Variants in ADAMTSL5 observed in about 807,000 individuals in gnomAD.
ADAMTSL5 encodes the protein ADAMTS-like protein 5.
A neutral mutation model predicts 51.7 loss-of-function variants in ADAMTSL5; 53 were observed. That is an observed-to-expected ratio of 1.03 (90% confidence interval 0.82 to 1.29). The LOEUF is 1.29. Ranked by LOEUF, ADAMTSL5 falls within the 50% of genes most tolerant of loss-of-function variation. The probability of loss-of-function intolerance (pLI) is 0.00; values close to 1 mark genes in which losing one functional copy is unlikely to be tolerated. For synonymous variants in ADAMTSL5, 285 were observed against 278.7 expected, an observed-to-expected ratio of 1.02 and a Z score of -0.23; for missense variants, 770 against 676.2, an observed-to-expected ratio of 1.14 and a Z score of -1.54.
At chr19:1,510,817 CA>C (rs1278048803) in intron 2 of ADAMTSL5, 27 bp downstream of exon 2, 2 of 1,514,412 alleles carry the variant, frequency 1.3e-6, no homozygotes, top group African/African-American at 2.9e-5. Context: ...TCCCACTCGC[CA>C]CCCCCTGGGC....
chr19:1,510,411 G>T lies in ADAMTSL5; in HGVS notation c.209C>A (p.Pro70Gln). The T allele has an allele frequency of 6.2e-7, 1 of 1,611,966 alleles. No homozygotes were observed. ...RRCLRLPGEE[P>Q]CWGDSHEYRL... is the part of the protein sequence containing the mutation. ...GTACTCATGGGAGTCTCCCCAGCAC[G>T]GTTCTTCCCCAGGAAGCCTGAAGGG... The change falls in exon 4 of 12, where the codon CCG (proline) becomes CAG (glutamine). Residue 70 changes from proline to glutamine, a missense_variant. By Grantham distance (76) the Pro-to-Gln change is moderately conservative. Transcript: ENST00000330475.
Position 1,508,535 on chromosome 19 carries a change from C to A in ADAMTSL5, c.397G>T (p.Gly133Trp), listed in dbSNP as rs768122681. Reference protein sequence around the residue: ...NQCDLNCLAEGHAFYHSFGRV... With the variant: ...NQCDLNCLAEWHAFYHSFGRV... ...CCGAAGCTGTGGTAGAAGGCGTGCC[C>A]CTCAGCCAGGCAGTTGAGGTCGCAC... Residue 133 changes from glycine (G) to tryptophan (W), a missense_variant, in exon 6 of 12, where the codon GGG becomes TGG. Gly to Trp is a radical substitution (Grantham distance 184). Coordinates refer to ENST00000330475, the MANE Select transcript of ADAMTSL5 (RefSeq NM_213604.3). The A allele has an allele frequency of 6.3e-7, 1 of 1,581,664 alleles. No homozygotes were observed. Among genetic ancestry groups the A allele is most frequent in the South Asian group, 1.1e-5 (1 of 87,900 alleles).
At chr19:1,507,936 G>C (rs1913038022) in intron 7 of ADAMTSL5, 62 bp downstream of exon 7, 3 of 1,507,640 alleles carry the variant, frequency 2.0e-6, no homozygotes, top group Non-Finnish European at 2.7e-6. Flanking sequence ...TTGCTTCCGG[G>C]CCACGGCTCG....
At chr19:1,507,477 C>T in intron 8 of ADAMTSL5, 72 bp from the exon 9 acceptor site, 2 of 1,610,430 alleles carry the variant, frequency 1.2e-6, no homozygotes, top group Non-Finnish European at 1.7e-6. Flanking sequence ...CTCCTCAGGC[C>T]TCAGTCTCCC....
Position 1,507,385 on chromosome 19 carries a change from G to A in ADAMTSL5, c.709C>T (p.Arg237Cys), listed in dbSNP as rs1438618912. 8.9e-6 allele frequency: 14 copies of A among 1,574,798 alleles called. No homozygotes were observed. The highest frequency in any genetic ancestry group is 2.7e-5 in the African/African-American group (2 of 74,072). The change falls in exon 9 of 12, where the codon CGC (arginine) becomes TGC (cysteine). Residue 237 changes from arginine (R) to cysteine (C), a missense_variant. By Grantham distance (180) the Arg-to-Cys change is radical (BLOSUM62 -3). Transcript: ENST00000330475. ...ACCCAGTGCCCATTAAGCACGTAGC[G>A]CCCATCGCCCCCCATCAGTGCTGCA... ...NHLALMGGDGRYVLNGHWVVS... is the reference protein window; with the variant it reads ...NHLALMGGDGCYVLNGHWVVS...
intron 7 of ADAMTSL5, 109 bp downstream of exon 7, chr19:1,507,889 G>A (rs546591979): frequency 5.6e-6 from 7 of 1,253,970 alleles, no homozygotes; most frequent in East Asian, 2.5e-5. Flanking sequence ...AGGAGAAAGG[G>A]GGGCTGGGCC....
chr19:1,506,566 C>T lies in ADAMTSL5; in HGVS notation c.1114+24G>A, dbSNP rs1367911450. On this transcript the variant is annotated intron_variant, in intron 11 of 11. Coordinates refer to ENST00000330475, the MANE Select transcript of ADAMTSL5 (RefSeq NM_213604.3). This position sits in a 1 kb window ranked among gnomAD's most constrained non-coding sequence, Gnocchi z 5.6. ...GAGGCCAGGTTAGTAGGGGCTAAGTCAGGGTAGAGGTCGGGGGTCTCACCA... is the reference window on the plus strand; with the variant it reads ...GAGGCCAGGTTAGTAGGGGCTAAGTTAGGGTAGAGGTCGGGGGTCTCACCA... 1.2e-6 allele frequency: 2 copies of T among 1,607,138 alleles called. No individual in the cohort carries two copies. Among genetic ancestry groups the T allele is most frequent in the African/African-American group, 1.3e-5 (1 of 74,774 alleles).
Position 1,510,690 on chromosome 19 carries a change from C to G in ADAMTSL5, c.140G>C (p.Cys47Ser), listed in dbSNP as rs953297719. The change falls in exon 3 of 12, where the codon TGC (cysteine) becomes TCC (serine). Residue 47 changes from cysteine (C) to serine (S), a missense_variant. Physicochemically the swap from Cys to Ser is moderately radical, Grantham distance 112. Transcript: ENST00000330475. ...EWTPWVSWTR[C>S]SSSCGRGVSV... ...GACGCCACGCCCGCAGGAGCTGGAG[C>G]AGCGGGTCCAGGACACCCACGGGGT... 1.9e-6 allele frequency: 3 copies of G among 1,543,044 alleles called. No individual in the cohort carries two copies. Among genetic ancestry groups the G allele is most frequent in the Non-Finnish European group, 2.6e-6 (3 of 1,143,678 alleles).
chr19:1,508,565 T>C lies in ADAMTSL5; in HGVS notation c.367A>G (p.Asn123Asp). ...YQWVPFHGAP[N>D]QCDLNCLAEG... The stretch of plus-strand genomic sequence containing the variant: ...GCCAGGCAGTTGAGGTCGCACTGGT[T>C]GGGCGCTGAGGGCAGGAGGAGTCGG... The change falls in exon 6 of 12, where the codon AAC becomes GAC. Residue 123 changes from asparagine to aspartate, a missense_variant. Transcript: ENST00000330475. 1 of 1,556,380 alleles carries C rather than the reference T, an allele frequency of 6.4e-7. No individual in the cohort carries two copies. Among genetic ancestry groups the C allele is most frequent in the Non-Finnish European group, 8.6e-7 (1 of 1,158,486 alleles).
intron 1 of ADAMTSL5, chr19:1,511,697 A>T (rs1196284582): frequency 1.4e-6 from 1 of 702,234 alleles, no homozygotes; most frequent in Non-Finnish European, 2.2e-6. Flanking sequence ...AGTGGGGGCC[A>T]AGTGGACTCA....
rs1490420331 is a variant in ADAMTSL5, at chr19:1,506,391, G to C, written c.1115-75C>G. ...CTCTACGCCCCCTCCCTTGCCAGAA[G>C]AGGGACTGAGGGTCAGGTGGGACCT... On this transcript the variant is annotated intron_variant, in intron 11 of 11. Coordinates refer to ENST00000330475, the MANE Select transcript of ADAMTSL5 (RefSeq NM_213604.3). The surrounding 1 kb of genome is among the most constrained non-coding windows in gnomAD (Gnocchi z 5.6). 4.7e-6 allele frequency: 7 copies of C among 1,504,224 alleles called. No homozygotes were observed. Among genetic ancestry groups the C allele is most frequent in the Non-Finnish European group, 6.2e-6 (7 of 1,120,470 alleles). 93.2% of individuals were successfully genotyped at this position (1,504,224 alleles called of 1,614,324 possible). A position where few individuals can be genotyped will look rare whatever the true frequency, so the allele number is the denominator to read the frequency against.
In ADAMTSL5 at chr19:1,506,145, G is replaced by T; in HGVS notation, c.1286C>A (p.Ala429Asp). Residue 429 changes from alanine to aspartate, a missense_variant, in exon 12 of 12, where the codon GCT (alanine) becomes GAT (aspartate). Coordinates refer to ENST00000330475, the MANE Select transcript of ADAMTSL5 (RefSeq NM_213604.3). The surrounding 1 kb of genome is among the most constrained non-coding windows in gnomAD (Gnocchi z 5.6). ...GTCGGGGCTGACAAGACGCTGGACAGCCATCAGGTAGTCCCGGTGGGGTGC... is the reference window on the plus strand; with the variant it reads ...GTCGGGGCTGACAAGACGCTGGACATCCATCAGGTAGTCCCGGTGGGGTGC... ...MLAPHRDYLM[A>D]VQRLVSPDGT... 1 of 1,608,826 alleles carries T rather than the reference G, an allele frequency of 6.2e-7. No homozygotes were observed. The highest frequency in any genetic ancestry group is 8.5e-7 in the Non-Finnish European group (1 of 1,177,862).
chr19:1,509,270 A>AG (rs2145506159), intron 5 of ADAMTSL5, among the ~76,000 whole-genome samples: 1 of 150,768 alleles, frequency 6.6e-6, no homozygotes, highest in East Asian at 1.9e-4. Context: ...AAAAAAAAAA[A>AG]AAAAAAAAAG....
Position 1,506,379 on chromosome 19 carries a change from C to T in ADAMTSL5, c.1115-63G>A, listed in dbSNP as rs960121818. On this transcript the variant is annotated intron_variant, in intron 11 of 11. Transcript: ENST00000330475. The surrounding 1 kb of genome is among the most constrained non-coding windows in gnomAD (Gnocchi z 5.6). ...CTCTGCGCAAATCTCTACGCCCCCT[C>T]CCTTGCCAGAAGAGGGACTGAGGGT... The T allele has an allele frequency of 5.8e-5, 89 of 1,521,462 alleles. No individual in the cohort carries two copies. The African/African-American group carries it at 9.8e-4, about 17-fold the overall frequency. 94.2% of individuals were successfully genotyped at this position (1,521,462 alleles called of 1,614,324 possible). A position where few individuals can be genotyped will look rare whatever the true frequency, so the allele number is the denominator to read the frequency against.
chr19:1,511,794 A>C, intron 1 of ADAMTSL5: 1 of 323,264 alleles, frequency 3.1e-6, no homozygotes. Context: ...CCTCAGCTGC[A>C]CCCCGGCCCC....
In ADAMTSL5 at chr19:1,507,347, T is replaced by C. The variant is rs1361261627; in HGVS notation, c.747A>G (p.Pro249=). ...VLNGHWVVSP[P]GTYEAAGTHV... ...GCGTGCCGGCCGCCTCGTAGGTCCC[T>C]GGTGGGCTGACCACCCAGTGCCCAT... is the stretch of plus-strand genomic sequence containing the variant. The change falls in exon 9 of 12, where the codon CCA becomes CCG. Residue 249 remains proline, a synonymous_variant. Transcript: ENST00000330475. 6.3e-7 allele frequency: 1 copy of C among 1,592,134 alleles called. No homozygotes were observed. The highest frequency in any genetic ancestry group is 1.7e-5 in the Admixed American group (1 of 57,748).
rs1912999688 is a variant in ADAMTSL5, at chr19:1,507,392, GC to G, written c.701del (p.Gly234AlafsTer86). 3 of 1,573,176 alleles carry G rather than the reference GC, an allele frequency of 1.9e-6. No homozygotes were observed. Among genetic ancestry groups the G allele is most frequent in the African/African-American group, 2.7e-5 (2 of 73,996 alleles). ...RSRNHLALMG[G>X]DGRYVLNGHW... Reference sequence around the variant, plus strand: ...GCCCATTAAGCACGTAGCGCCCATCGCCCCCCATCAGTGCTGCAAGGGAACA... The same window carrying G: ...GCCCATTAAGCACGTAGCGCCCATCGCCCCCATCAGTGCTGCAAGGGAACA... On this transcript the variant is annotated frameshift_variant, in exon 9 of 12. Coordinates refer to ENST00000330475, the MANE Select transcript of ADAMTSL5 (RefSeq NM_213604.3). LOFTEE classifies it high-confidence loss of function.
At chr19:1,507,186 C>G (rs1301301540) in intron 9 of ADAMTSL5, 56 bp downstream of exon 9, 2 of 1,513,484 alleles carry the variant, frequency 1.3e-6, no homozygotes, top group Non-Finnish European at 1.8e-6. Context: ...TGTCCCCAGC[C>G]TCTCCCCTCT....
Position 1,507,409 on chromosome 19 carries a change from C to G in ADAMTSL5, c.689-4G>C. 2 of 1,580,674 alleles carry G rather than the reference C, an allele frequency of 1.3e-6. No homozygotes were observed. The highest frequency in any genetic ancestry group is 8.6e-7 in the Non-Finnish European group (1 of 1,162,080). Reference sequence around the variant, plus strand: ...CGCCCATCGCCCCCCATCAGTGCTGCAAGGGAACAGTCAGCCCTCAGGAAC... The same window carrying G: ...CGCCCATCGCCCCCCATCAGTGCTGGAAGGGAACAGTCAGCCCTCAGGAAC... On this transcript the variant is annotated splice_polypyrimidine_tract_variant and splice_region_variant and intron_variant, in intron 8 of 11. Transcript: ENST00000330475.
Sources: allele counts gnomAD v4.1 joint callset (sites outside exome capture counted in the v4.1 genomes callset), GRCh38; gene constraint gnomAD v4.1.1; non-coding constraint Gnocchi (gnomAD v3.1); transcripts MANE v1.5; gene names NCBI Gene and HGNC (gene_info 2026-07-23, HGNC 2026-07-21).